The following DHX57 variants were observed in gnomAD, a reference collection of about 807,000 sequenced individuals.
DHX57 encodes the protein putative ATP-dependent RNA helicase DHX57.
In DHX57, 105 loss-of-function variants were observed where a neutral mutation model predicts 156.2. The observed-to-expected ratio is 0.67, with a 90% CI of 0.57 to 0.79. The LOEUF is 0.79. DHX57 is among the 30% of genes least tolerant of loss of function. The probability of loss-of-function intolerance (pLI) is 0.00; values close to 1 mark genes in which losing one functional copy is unlikely to be tolerated. For synonymous variants in DHX57, 704 were observed against 595.6 expected (o/e 1.18, Z -2.65); for missense variants, 1,847 against 1,661.9 (o/e 1.11, Z -1.94).
Position 38,862,305 on chromosome 2 carries a change from C to A in DHX57, c.412G>T (p.Asp138Tyr), listed in dbSNP as rs749761049. Residue 138 changes from aspartate to tyrosine, a missense_variant, in exon 4 of 24, where the codon GAT (aspartate) becomes TAT (tyrosine). By Grantham distance (160) the Asp-to-Tyr change is radical (BLOSUM62 -3). Coordinates refer to ENST00000457308, the MANE Select transcript of DHX57 (RefSeq NM_198963.3). ...ERGLSGEEEDDEPDCCNDERY... is the reference protein window; with the variant it reads ...ERGLSGEEEDYEPDCCNDERY... The stretch of plus-strand genomic sequence containing the variant: ...TCATCGTTACAGCAATCAGGCTCAT[C>A]ATCTTCCTCCTCCCCAGAAAGGCCT... The A allele has an allele frequency of 6.3e-7, 1 of 1,594,156 alleles. No individual in the cohort carries two copies. Among genetic ancestry groups the A allele is most frequent in the Admixed American group, 1.7e-5 (1 of 58,820 alleles).
chr2:38,820,342 C>A (rs554731307), intron 17 of DHX57, among the ~76,000 whole-genome samples: 1 of 148,172 alleles, frequency 6.7e-6, no homozygotes, highest in African/African-American at 2.5e-5. Flanking sequence ...TTTTTTTCTT[C>A]AGATCACTAA....
intron 1 of DHX57, among the ~76,000 whole-genome samples, chr2:38,870,246 T>C (rs917157425): frequency 6.6e-6 from 1 of 151,694 alleles, no homozygotes; most frequent in South Asian, 2.1e-4. Context: ...CATATACATA[T>C]AATGAGAATA....
At chr2:38,851,048 G>A (rs1672565406) in intron 9 of DHX57, among the ~76,000 whole-genome samples, 1 of 151,790 alleles carries the variant, frequency 6.6e-6, no homozygotes, top group South Asian at 2.1e-4. Flanking sequence ...CTGCACTCCA[G>A]CCTGGATGAC....
rs1196693424 is a variant in DHX57, at chr2:38,861,531, A to T, written c.879T>A (p.Ser293Arg). 6.2e-7 allele frequency: 1 copy of T among 1,614,100 alleles called. No individual in the cohort carries two copies. The change falls in exon 5 of 24, where the codon AGT (serine) becomes AGA (arginine). Residue 293 changes from serine to arginine, a missense_variant. Ser to Arg is a moderately radical substitution (Grantham distance 110). Transcript: ENST00000457308. ...GTGAATTCTCTTGTACATTTTTGGTACTTTCTTTTGGCTTGGATTTGCGGA... is the reference window on the plus strand; with the variant it reads ...GTGAATTCTCTTGTACATTTTTGGTTCTTTCTTTTGGCTTGGATTTGCGGA... Reference protein sequence around the residue: ...SRFRKSKPKESTKNVQENSLE... With the variant: ...SRFRKSKPKERTKNVQENSLE...
chr2:38,829,516 C>T (rs1349703340), intron 13 of DHX57, among the ~76,000 whole-genome samples: 2 of 152,044 alleles, frequency 1.3e-5, no homozygotes, highest in Non-Finnish European at 1.5e-5. Flanking sequence ...GTGATCTGCC[C>T]GCCTTGGCCT....
intron 2 of DHX57, among the ~76,000 whole-genome samples, chr2:38,864,245 T>TAAAAAAAA (rs146547256): frequency 7.5e-6 from 1 of 132,928 alleles, no homozygotes; most frequent in Non-Finnish European, 1.6e-5. Context: ...TTCTGATTAT[T>TAAAAAAAA]AAAAAAAAAA....
chr2:38,803,081 C>A, intron 22 of DHX57, 166 bp from the exon 23 acceptor site: 1 of 646,996 alleles, frequency 1.5e-6, no homozygotes, highest in East Asian at 2.7e-5. Context: ...ATTGACTTGC[C>A]ATCTCCTCTT....
At chr2:38,870,009 T>C (rs1665278706) in intron 1 of DHX57, among the ~76,000 whole-genome samples, 1 of 151,904 alleles carries the variant, frequency 6.6e-6, no homozygotes, top group African/African-American at 2.4e-5. Flanking sequence ...AGATAAAAAA[T>C]TATATATATA....
At chr2:38,870,284 G>A (rs896017730) in intron 1 of DHX57, among the ~76,000 whole-genome samples, 9 of 151,924 alleles carry the variant, frequency 5.9e-5, no homozygotes, top group African/African-American at 2.2e-4. Context: ...AAAGAAAAGA[G>A]CAGAAAAAAT....
chr2:38,799,750 C>CAAA lies in DHX57; in HGVS notation c.4018-1311_4018-1309dup, dbSNP rs34097778. Reference sequence around the variant, plus strand: ...GGGCAACAAGAGCAAAACTCCATCTCAAAAAAAAAAAAAAAAAAAAGTGGG... The same window carrying CAAA: ...GGGCAACAAGAGCAAAACTCCATCTCAAAAAAAAAAAAAAAAAAAAAAAGTGGG... On this transcript the variant is annotated intron_variant, in intron 23 of 23. Transcript: ENST00000457308. 2.5e-4 allele frequency among the ~76,000 whole-genome samples: 25 copies of CAAA among 99,082 alleles called. No individual in the cohort carries two copies. The East Asian group carries it at 3.1e-3, about 12-fold the overall frequency. 65.0% of individuals were successfully genotyped at this position (99,082 alleles called of 152,430 possible).
chr2:38,840,565 G>T (rs934725354), intron 12 of DHX57, among the ~76,000 whole-genome samples: 29 of 118,388 alleles, frequency 2.4e-4, no homozygotes, highest in East Asian at 3.4e-4. Context: ...AAGGACTTTT[G>T]TTTTTTTTAA....
rs77835648 is a variant in DHX57 at position 38,842,914 on chromosome 2, A to G, written c.2425+91T>C. ...TTAAAGGCAATGTAACTATGAAACA[A>G]GAATCATATTTTTCTTCTTCCGAAT... On this transcript the variant is annotated intron_variant, in intron 12 of 23. Coordinates refer to ENST00000457308, the MANE Select transcript of DHX57 (RefSeq NM_198963.3). 9,249 of 1,380,464 alleles carry G rather than the reference A, an allele frequency of 6.7e-3. 43 individuals carry two copies. Among genetic ancestry groups the G allele is most frequent in the Non-Finnish European group, 8.0e-3 (7,968 of 993,394 alleles). 85.5% of individuals were successfully genotyped at this position (1,380,464 alleles called of 1,614,324 possible). A position where few individuals can be genotyped will look rare whatever the true frequency, so the allele number is the denominator to read the frequency against.
rs77932129 is a variant in DHX57, at chr2:38,847,430, A to C, written c.2165-357T>G. On this transcript the variant is annotated intron_variant, in intron 10 of 23. Coordinates refer to ENST00000457308, the MANE Select transcript of DHX57 (RefSeq NM_198963.3). Reference sequence around the variant, plus strand: ...AACACAAAGTTTCTTCCTTAGATTTACTGCCAGCATTCCCTATAACTAAAA... The same window carrying C: ...AACACAAAGTTTCTTCCTTAGATTTCCTGCCAGCATTCCCTATAACTAAAA... 3.2e-3 allele frequency among the ~76,000 whole-genome samples: 489 copies of C among 152,344 alleles called. 6 individuals carry two copies. The highest frequency in any genetic ancestry group is 0.011 in the African/African-American group (445 of 41,570).
intron 21 of DHX57, among the ~76,000 whole-genome samples, chr2:38,808,460 C>T (rs899014141): frequency 6.6e-6 from 1 of 151,988 alleles, no homozygotes. Flanking sequence ...CATGTTGTGA[C>T]ATATTTTCCT....
In DHX57 at chr2:38,843,129, T is replaced by C. The variant is rs1672097797; in HGVS notation, c.2301A>G (p.Arg767=). The part of the protein sequence containing the change: ...SKEKLKARRN[R]TAFEEVEEDL... ...CTTCTTCCACTTCTTCAAATGCAGTTCTGTTCCGCCTTGCTTTAAGCTTTT... is the reference window on the plus strand; with the variant it reads ...CTTCTTCCACTTCTTCAAATGCAGTCCTGTTCCGCCTTGCTTTAAGCTTTT... The change falls in exon 12 of 24, where the codon AGA becomes AGG. Residue 767 remains arginine, a synonymous_variant. Coordinates refer to ENST00000457308, the MANE Select transcript of DHX57 (RefSeq NM_198963.3). The C allele has an allele frequency of 1.2e-6, 2 of 1,614,090 alleles. No individual in the cohort carries two copies. Among genetic ancestry groups the C allele is most frequent in the Non-Finnish European group, 8.5e-7 (1 of 1,180,038 alleles).
rs1337834099 is a variant in DHX57 at position 38,843,113 on chromosome 2, C to T, written c.2317G>A (p.Val773Met). 1.2e-6 allele frequency: 2 copies of T among 1,614,206 alleles called. No individual in the cohort carries two copies. The highest frequency in any genetic ancestry group is 3.3e-5 in the Admixed American group (2 of 60,018). Residue 773 changes from valine (V) to methionine (M), a missense_variant, in exon 12 of 24, where the codon GTG becomes ATG. By Grantham distance (21) the Val-to-Met change is conservative. Transcript: ENST00000457308. ...AGGGAGAGCCTTAGGTCTTCTTCCACTTCTTCAAATGCAGTTCTGTTCCGC... is the reference window on the plus strand; with the variant it reads ...AGGGAGAGCCTTAGGTCTTCTTCCATTTCTTCAAATGCAGTTCTGTTCCGC... ...ARRNRTAFEE[V>M]EEDLRLSLHL...
intron 1 of DHX57, among the ~76,000 whole-genome samples, chr2:38,870,595 T>C (rs12479098): frequency 0.071 from 10,790 of 152,100 alleles, 544 homozygotes; most frequent in East Asian, 0.21. Context: ...AAGAAAAAAA[T>C]AGGGCTGGGC....
chr2:38,871,249 T>C (rs1665338914), intron 1 of DHX57, among the ~76,000 whole-genome samples: 1 of 152,192 alleles, frequency 6.6e-6, no homozygotes, highest in Admixed American at 6.5e-5. Flanking sequence ...AATATGTATA[T>C]GATATAATGT....
intron 17 of DHX57, among the ~76,000 whole-genome samples, chr2:38,821,797 C>G (rs939620650): frequency 1.3e-5 from 2 of 151,898 alleles, no homozygotes; most frequent in African/African-American, 4.8e-5. Context: ...GCTCAAGTTA[C>G]TAGAATCAGA....
Sources: allele counts gnomAD v4.1 joint callset (sites outside exome capture counted in the v4.1 genomes callset), GRCh38; gene constraint gnomAD v4.1.1; transcripts MANE v1.5; gene names NCBI Gene and HGNC (gene_info 2026-07-23, HGNC 2026-07-21).